Variants in CFAP161 observed in about 807,000 individuals in gnomAD.
CFAP161 encodes cilia- and flagella-associated protein 161.
CFAP161 carries 25 observed loss-of-function variants against 29.0 expected under a neutral mutation model. That is an observed-to-expected ratio of 0.86 (90% CI 0.63 to 1.20). The LOEUF is 1.20. Ranked by LOEUF, CFAP161 falls within the 50% of genes most tolerant of loss-of-function variation. The pLI is 0.00. For missense variants in CFAP161, 367 were observed against 371.9 expected (o/e 0.99, Z 0.11); for synonymous variants, 116 against 137.4 (o/e 0.84, Z 1.09).
intron 1 of CFAP161, among the ~76,000 whole-genome samples, chr15:81,106,183 C>T (rs977039374): frequency 6.6e-6 from 1 of 152,060 alleles, no homozygotes; most frequent in Admixed American, 6.6e-5. Context: ...GAAGAAGGGT[C>T]TTGAGAAAGT....
rs562325464 is a variant in CFAP161, at chr15:81,109,715, G to T, written c.-141-17875G>T. Among the ~76,000 whole-genome samples the T allele has an allele frequency of 1.5e-3, 233 of 152,202 alleles. 1 individual carries two copies. The highest frequency in any genetic ancestry group is 5.1e-3 in the African/African-American group (211 of 41,520). On this transcript the variant is annotated intron_variant, in intron 1 of 4. Transcript: ENST00000560091. ...TAAGACCTTATCTCAAAAAAGAATT[G>T]CGTAAGTTACCAATTGAGATGTCTA...
intron 1 of CFAP161, among the ~76,000 whole-genome samples, chr15:81,116,195 G>A (rs959175658): frequency 3.3e-5 from 5 of 152,144 alleles, no homozygotes; most frequent in Non-Finnish European, 5.9e-5. Flanking sequence ...GTGGAATTTC[G>A]GTTACACCAT....
At chr15:81,113,100 T>C (rs1354780945) in intron 1 of CFAP161, among the ~76,000 whole-genome samples, 2 of 152,230 alleles carry the variant, frequency 1.3e-5, no homozygotes, top group South Asian at 2.1e-4. Context: ...GCATATTTAT[T>C]ATTTTATTAT....
At chr15:81,143,562 T>C in intron 4 of CFAP161, 100 bp from the exon 5 acceptor site, 1 of 1,308,938 alleles carries the variant, frequency 7.6e-7, no homozygotes, top group Non-Finnish European at 1.1e-6. Context: ...TTTTGAGAAC[T>C]GCTTTGAATG....
At chr15:81,141,167 T>C (rs945816955) in intron 4 of CFAP161, among the ~76,000 whole-genome samples, 1 of 152,248 alleles carries the variant, frequency 6.6e-6, no homozygotes, top group African/African-American at 2.4e-5. Flanking sequence ...TATTTATTCT[T>C]CTGAGATGTC....
chr15:81,105,151 CCCTCCCTCCCTTCCTT>C lies in CFAP161; in HGVS notation c.-141-22422_-141-22407del, dbSNP rs1240276938. Among the ~76,000 whole-genome samples, 43 of 23,152 alleles carry C rather than the reference CCCTCCCTCCCTTCCTT, an allele frequency of 1.9e-3. 1 individual carries two copies. The highest frequency in any genetic ancestry group is 5.0e-3 in the Admixed American group (15 of 2,990). 15.2% of individuals were successfully genotyped at this position (23,152 alleles called of 152,430 possible). ...TTTCTCCCCCCTCCCCTCCCTCCCT[CCCTCCCTCCCTTCCTT>C]CCTCCCTCCCTTCCTTTTTTCCTCC... On this transcript the variant is annotated intron_variant, in intron 1 of 4. Transcript: ENST00000560091.
intron 1 of CFAP161, among the ~76,000 whole-genome samples, chr15:81,110,190 C>A (rs1391200106): frequency 1.3e-5 from 2 of 152,086 alleles, no homozygotes; most frequent in Non-Finnish European, 2.9e-5. Flanking sequence ...CTTCCATGAA[C>A]TTTTTGAAGA....
intron 1 of CFAP161, among the ~76,000 whole-genome samples, chr15:81,105,659 A>AT (rs1398882930): frequency 6.6e-6 from 1 of 152,172 alleles, no homozygotes; most frequent in African/African-American, 2.4e-5. Context: ...AGACCTGCCT[A>AT]TTGCAGCAGC....
chr15:81,148,479 A>G lies in CFAP161; in HGVS notation c.852A>G (p.Pro284=), dbSNP rs1595922124. The change falls in exon 7 of 7, where the codon CCA becomes CCG. Residue 284 remains proline, a synonymous_variant. Transcript: ENST00000286732. The stretch of plus-strand genomic sequence containing the variant: ...CCTCCATGTTGGATCTGCCCAAACC[A>G]CCCACAGAGGACACTCGAGCCATGG... ...ASSSMLDLPK[P]PTEDTRAMEQ... is the part of the protein sequence containing the mutation. 1 of 1,614,032 alleles carries G rather than the reference A, an allele frequency of 6.2e-7. No homozygotes were observed. The highest frequency in any genetic ancestry group is 8.5e-7 in the Non-Finnish European group (1 of 1,180,010).
chr15:81,133,369 T>C (rs776596065), upstream of CFAP161, among the ~76,000 whole-genome samples: 3 of 151,750 alleles, frequency 2.0e-5, no homozygotes, highest in Non-Finnish European at 4.4e-5. Context: ...TCAGCACATC[T>C]TTAATTGCAT....
chr15:81,142,585 C>T (rs1047872621), intron 4 of CFAP161, among the ~76,000 whole-genome samples: 1 of 152,188 alleles, frequency 6.6e-6, no homozygotes, highest in Non-Finnish European at 1.5e-5. Flanking sequence ...CCTCCCTAAC[C>T]AGAAAGCTGC....
chr15:81,126,118 C>A (rs1894638196), intron 1 of CFAP161, among the ~76,000 whole-genome samples: 1 of 152,206 alleles, frequency 6.6e-6, no homozygotes, highest in Non-Finnish European at 1.5e-5. Context: ...ATCCAGCCAG[C>A]TCAGCCTCCC....
Position 81,136,739 on chromosome 15 carries a change from T to C in CFAP161, c.383T>C (p.Ile128Thr), listed in dbSNP as rs1894817895. The change falls in exon 3 of 7, where the codon ATC (isoleucine) becomes ACC (threonine). Residue 128 changes from isoleucine to threonine, a missense_variant. By Grantham distance (89) the Ile-to-Thr change is moderately conservative. Transcript: ENST00000286732. The stretch of plus-strand genomic sequence containing the variant: ...ACCCCAATTGGCAGAAACACTTTTA[T>C]CATTTTGAGGTAAAGAGACTTTAAT... Reference protein sequence around the residue: ...AKTPIGRNTFIILSVHRDATG... With the variant: ...AKTPIGRNTFTILSVHRDATG... The C allele has an allele frequency of 1.9e-6, 3 of 1,612,752 alleles. No individual in the cohort carries two copies. In the South Asian group the frequency reaches 3.3e-5, roughly 18 times the overall value.
intron 5 of CFAP161, among the ~76,000 whole-genome samples, 185 bp from the exon 6 acceptor site, chr15:81,147,673 G>A (rs1177815321): frequency 6.6e-6 from 1 of 152,096 alleles, no homozygotes; most frequent in Admixed American, 6.6e-5. Context: ...GGTCGCATAG[G>A]TGGTCCTTTG....
chr15:81,143,821 G>C lies in CFAP161; in HGVS notation c.636+1G>C. On this transcript the variant is annotated splice_donor_variant, in intron 5 of 6. Coordinates refer to ENST00000286732, the MANE Select transcript of CFAP161 (RefSeq NM_173528.4). LOFTEE classifies it high-confidence loss of function. Reference sequence around the variant, plus strand: ...GGAATATGAAGGCTTCCCCGTCCCGGTGAGTGCAGCATCGGGAAGACATGG... The same window carrying C: ...GGAATATGAAGGCTTCCCCGTCCCGCTGAGTGCAGCATCGGGAAGACATGG... 6.2e-7 allele frequency: 1 copy of C among 1,613,816 alleles called. No homozygotes were observed.
chr15:81,138,212 A>G, intron 4 of CFAP161, 77 bp downstream of exon 4: 2 of 1,193,594 alleles, frequency 1.7e-6, no homozygotes, highest in Non-Finnish European at 1.2e-6. Flanking sequence ...TATCTACTGA[A>G]GTGGACAGAG....
At chr15:81,147,634 G>A (rs1321409025) in intron 5 of CFAP161, among the ~76,000 whole-genome samples, 1 of 152,104 alleles carries the variant, frequency 6.6e-6, no homozygotes, top group East Asian at 1.9e-4. Context: ...TCTAAACACA[G>A]AAAAGGTACA....
chr15:81,107,832 A>T (rs576918284), intron 1 of CFAP161, among the ~76,000 whole-genome samples: 61 of 152,232 alleles, frequency 4.0e-4, no homozygotes, highest in Non-Finnish European at 7.8e-4. Flanking sequence ...GATGTGTATA[A>T]ACATGGTCTG....
chr15:81,130,966 A>G (rs1894703179), upstream of CFAP161, among the ~76,000 whole-genome samples: 1 of 152,132 alleles, frequency 6.6e-6, no homozygotes, highest in South Asian at 2.1e-4. Context: ...CAATGGCAAC[A>G]TCAAAAATCA....
Sources: gnomAD v4.1 joint callset for allele counts (sites outside exome capture counted in the v4.1 genomes callset) on GRCh38, gnomAD v4.1.1 for gene constraint, MANE v1.5 for transcripts, NCBI Gene and HGNC (gene_info 2026-07-23, HGNC 2026-07-21) for gene names.